SPAG16: variants seen among roughly 807,000 people sequenced by gnomAD.
SPAG16 encodes the protein sperm-associated antigen 16 protein.
In SPAG16, 86 loss-of-function variants were observed where a neutral mutation model predicts 80.4. That is an observed-to-expected ratio of 1.07 (90% CI 0.90 to 1.28). SPAG16 has a LOEUF of 1.28. Ranked by LOEUF, SPAG16 falls within the 50% of genes most tolerant of loss-of-function variation. The pLI is 0.00. For synonymous variants in SPAG16, 294 were observed against 265.9 expected, an observed-to-expected ratio of 1.11 and a Z score of -1.03; for missense variants, 870 against 765.3, an observed-to-expected ratio of 1.14 and a Z score of -1.61.
intron 10 of SPAG16, among the ~76,000 whole-genome samples, chr2:213,824,622 A>G (rs574673768): frequency 2.6e-5 from 4 of 152,216 alleles, no homozygotes; most frequent in Admixed American, 1.3e-4. Context: ...TGCCAGTACC[A>G]TGCTGTTTTG....
In SPAG16 at chr2:213,929,932, A is replaced by G. The variant is rs768071271; in HGVS notation, c.1215-28A>G. On this transcript the variant is annotated intron_variant, in intron 11 of 15. Coordinates refer to ENST00000331683, the MANE Select transcript of SPAG16 (RefSeq NM_024532.5). Reference sequence around the variant, plus strand: ...TAAAAATTATGTTACTTTTTAAACAAGCTGTCTTTTTATGTTTTTGCAAAT... The same window carrying G: ...TAAAAATTATGTTACTTTTTAAACAGGCTGTCTTTTTATGTTTTTGCAAAT... 1.3e-5 allele frequency: 20 copies of G among 1,593,214 alleles called. No homozygotes were observed. The South Asian group carries it at 2.2e-4, about 18-fold the overall frequency.
At chr2:214,312,788 T>A (rs1387390200) in intron 15 of SPAG16, among the ~76,000 whole-genome samples, 1 of 152,182 alleles carries the variant, frequency 6.6e-6, no homozygotes, top group East Asian at 1.9e-4. Context: ...CATTTAGATA[T>A]TCTAAGCAAA....
chr2:213,546,183 G>A (rs956980850), intron 10 of SPAG16, among the ~76,000 whole-genome samples: 1 of 151,942 alleles, frequency 6.6e-6, no homozygotes, highest in Non-Finnish European at 1.5e-5. Flanking sequence ...TAATTTACAT[G>A]ATTTTTTTAA....
chr2:214,234,010 A>G (rs1410846430), intron 15 of SPAG16, among the ~76,000 whole-genome samples: 1 of 151,984 alleles, frequency 6.6e-6, no homozygotes, highest in Non-Finnish European at 1.5e-5. Flanking sequence ...TCCATTAACT[A>G]TTCTTCCTGA....
intron 8 of SPAG16, among the ~76,000 whole-genome samples, chr2:213,366,495 G>T (rs1056726367): frequency 1.3e-5 from 2 of 152,146 alleles, no homozygotes; most frequent in Non-Finnish European, 2.9e-5. Context: ...GAAGGCAAAG[G>T]AGGAGCAAAG....
intron 10 of SPAG16, among the ~76,000 whole-genome samples, chr2:213,614,274 AT>A (rs1007786036): frequency 3.3e-5 from 5 of 152,196 alleles, no homozygotes; most frequent in Non-Finnish European, 7.4e-5. Flanking sequence ...CCAACAACTG[AT>A]TTTTGTAACA....
intron 14 of SPAG16, among the ~76,000 whole-genome samples, chr2:214,108,479 ACC>A (rs1553719294): frequency 1.2e-3 from 61 of 52,408 alleles, no homozygotes; most frequent in South Asian, 8.5e-3. Context: ...ACACACACAC[ACC>A]CCCACACACA....
intron 15 of SPAG16, among the ~76,000 whole-genome samples, chr2:214,278,345 G>A (rs1692634285): frequency 6.6e-6 from 1 of 152,188 alleles, no homozygotes; most frequent in Non-Finnish European, 1.5e-5. Context: ...CAGTCCCAGT[G>A]AGATGAACCA....
chr2:213,497,135 C>T (rs2074528348), intron 10 of SPAG16, among the ~76,000 whole-genome samples: 1 of 151,966 alleles, frequency 6.6e-6, no homozygotes, highest in South Asian at 2.1e-4. Context: ...GCTAGTTTTA[C>T]AGTTTATTAT....
intron 10 of SPAG16, among the ~76,000 whole-genome samples, chr2:213,576,606 A>C (rs1380194103): frequency 6.6e-6 from 1 of 152,170 alleles, no homozygotes; most frequent in Non-Finnish European, 1.5e-5. Context: ...GGATAAAGAA[A>C]ATGTGGTACA....
chr2:213,930,156 C>T lies in SPAG16; in HGVS notation c.1400+11C>T. On this transcript the variant is annotated intron_variant, in intron 12 of 15. Coordinates refer to ENST00000331683, the MANE Select transcript of SPAG16 (RefSeq NM_024532.5). ...TTGGGATGTTAATAGGTAAGAAGTA[C>T]TTTAAACATTACTAATCCTCTGTGC... is the stretch of plus-strand genomic sequence containing the variant. 1 of 1,606,704 alleles carries T rather than the reference C, an allele frequency of 6.2e-7. No homozygotes were observed. The highest frequency in any genetic ancestry group is 1.1e-5 in the South Asian group (1 of 90,214).
chr2:213,406,160 T>C (rs2068598391), intron 9 of SPAG16, among the ~76,000 whole-genome samples: 1 of 152,214 alleles, frequency 6.6e-6, no homozygotes, highest in Admixed American at 6.5e-5. Flanking sequence ...ATTTTGTTTT[T>C]TTGATGTATC....
chr2:213,596,917 C>T (rs2060902656), intron 10 of SPAG16, among the ~76,000 whole-genome samples: 1 of 151,986 alleles, frequency 6.6e-6, no homozygotes, highest in Admixed American at 6.6e-5. Flanking sequence ...GTCAGTTATA[C>T]AAACAGCTAT....
intron 13 of SPAG16, among the ~76,000 whole-genome samples, chr2:214,077,472 G>C (rs2051137992): frequency 6.6e-6 from 1 of 152,196 alleles, no homozygotes; most frequent in Non-Finnish European, 1.5e-5. Context: ...TTTTGGGAAA[G>C]GGCATTATTT....
chr2:213,592,472 A>G (rs1011186649), intron 10 of SPAG16, among the ~76,000 whole-genome samples: 2 of 152,238 alleles, frequency 1.3e-5, no homozygotes, highest in South Asian at 4.1e-4. Context: ...AAATCAAACT[A>G]TTGGTTGAAA....
intron 10 of SPAG16, among the ~76,000 whole-genome samples, chr2:213,837,311 A>C (rs2125742763): frequency 6.6e-6 from 1 of 152,364 alleles, no homozygotes; most frequent in East Asian, 1.9e-4. Context: ...GTATAAAAGG[A>C]ATTCTTTTTG....
chr2:213,742,068 G>T (rs2067578601), intron 10 of SPAG16, among the ~76,000 whole-genome samples: 1 of 150,482 alleles, frequency 6.6e-6, no homozygotes, highest in Non-Finnish European at 1.5e-5. Flanking sequence ...ATTTATAGTT[G>T]ATGTAATACC....
chr2:213,418,821 A>G (rs1182883581), intron 9 of SPAG16, among the ~76,000 whole-genome samples: 3 of 152,240 alleles, frequency 2.0e-5, no homozygotes, highest in Non-Finnish European at 2.9e-5. Flanking sequence ...AAAGCTTTGT[A>G]TAGATGAGTG....
intron 10 of SPAG16, among the ~76,000 whole-genome samples, chr2:213,854,907 A>C (rs774256074): frequency 6.6e-6 from 1 of 152,274 alleles, no homozygotes; most frequent in Non-Finnish European, 1.5e-5. Context: ...TTGTTGGAAC[A>C]CATCCTTAAT....
Sources: allele counts gnomAD v4.1 joint callset (sites outside exome capture counted in the v4.1 genomes callset), GRCh38; gene constraint gnomAD v4.1.1; transcripts MANE v1.5; gene names NCBI Gene and HGNC (gene_info 2026-07-23, HGNC 2026-07-21).